Variants in LSAMP observed in about 807,000 individuals in gnomAD.
LSAMP encodes the protein limbic system-associated membrane protein.
A neutral mutation model predicts 38.6 loss-of-function variants in LSAMP; 7 were observed. The observed-to-expected ratio is 0.18, with a 90% CI of 0.10 to 0.34. LSAMP has a LOEUF of 0.34. Among genes scored for constraint, LSAMP ranks in the 10% least tolerant of loss-of-function variants. LSAMP has a pLI of 1.00. For synonymous variants in LSAMP, 154 were observed against 166.8 expected, an observed-to-expected ratio of 0.92 and a Z score of 0.59; for missense variants, 313 against 420.0, an observed-to-expected ratio of 0.75 and a Z score of 2.23.
At chr3:116,399,257 T>C (rs2048809088) in intron 1 of LSAMP, among the ~76,000 whole-genome samples, 2 of 152,202 alleles carry the variant, frequency 1.3e-5, no homozygotes, top group Admixed American at 1.3e-4. Context: ...AGCCGTGATA[T>C]GATTAGAGTA....
At chr3:116,145,147 T>A (rs901140741) in intron 1 of LSAMP, among the ~76,000 whole-genome samples, 1 of 151,976 alleles carries the variant, frequency 6.6e-6, no homozygotes, top group Non-Finnish European at 1.5e-5. Context: ...CAAATAGACT[T>A]TTTCTATTTG....
chr3:115,873,369 T>A (rs1936098705), intron 3 of LSAMP, among the ~76,000 whole-genome samples: 1 of 135,656 alleles, frequency 7.4e-6, no homozygotes. Flanking sequence ...GATGACAGAG[T>A]GAGGCTCTGA....
intron 6 of LSAMP, among the ~76,000 whole-genome samples, chr3:115,835,464 T>C (rs1934752158): frequency 6.6e-6 from 1 of 152,154 alleles, no homozygotes; most frequent in Admixed American, 6.6e-5. Context: ...TTTTCAGAAA[T>C]ATAGAATGGA....
At chr3:116,162,429 G>A (rs1400741591) in intron 1 of LSAMP, among the ~76,000 whole-genome samples, 1 of 152,110 alleles carries the variant, frequency 6.6e-6, no homozygotes, top group Non-Finnish European at 1.5e-5. Flanking sequence ...GATGATGTTA[G>A]GATATAGTGA....
At chr3:116,342,877 C>T (rs2048015487) in intron 1 of LSAMP, among the ~76,000 whole-genome samples, 1 of 152,032 alleles carries the variant, frequency 6.6e-6, no homozygotes, top group African/African-American at 2.4e-5. Flanking sequence ...TTCTATGACT[C>T]TATAATTCAG....
At chr3:116,001,947 TG>T (rs1320537989) in intron 3 of LSAMP, among the ~76,000 whole-genome samples, 1 of 152,168 alleles carries the variant, frequency 6.6e-6, no homozygotes, top group African/African-American at 2.4e-5. Context: ...TAGACATCTT[TG>T]GGGGGTCATT....
chr3:116,114,765 T>G (rs1267740134), intron 1 of LSAMP, among the ~76,000 whole-genome samples: 1 of 152,242 alleles, frequency 6.6e-6, no homozygotes, highest in African/African-American at 2.4e-5. Context: ...TTGTAGACTC[T>G]AATAGGTCTG....
intron 3 of LSAMP, among the ~76,000 whole-genome samples, chr3:115,919,704 C>T (rs375645699): frequency 1.1e-3 from 168 of 152,216 alleles, no homozygotes; most frequent in African/African-American, 3.9e-3. Flanking sequence ...CTCTGTCTCC[C>T]GGGTTCAAGT....
intron 1 of LSAMP, among the ~76,000 whole-genome samples, chr3:116,236,106 C>T (rs1308401974): frequency 6.6e-6 from 1 of 151,896 alleles, no homozygotes; most frequent in Non-Finnish European, 1.5e-5. Context: ...CACAATGGAG[C>T]CTGATTCATT....
intron 3 of LSAMP, among the ~76,000 whole-genome samples, chr3:115,940,071 G>T (rs1409613806): frequency 6.6e-6 from 1 of 152,032 alleles, no homozygotes; most frequent in Non-Finnish European, 1.5e-5. Context: ...TCTTAATGGT[G>T]GCGCATCTGG....
At chr3:115,824,290 A>G (rs964005659) in intron 6 of LSAMP, among the ~76,000 whole-genome samples, 1 of 152,246 alleles carries the variant, frequency 6.6e-6, no homozygotes, top group African/African-American at 2.4e-5. Flanking sequence ...AAGAAGAAAC[A>G]GGTTTCTCTG....
At chr3:115,836,240 C>T (rs1011281770) in intron 6 of LSAMP, among the ~76,000 whole-genome samples, 1 of 152,150 alleles carries the variant, frequency 6.6e-6, no homozygotes, top group Admixed American at 6.5e-5. Flanking sequence ...AGGCCTATCA[C>T]GCCCCATTAG....
chr3:116,206,614 C>T (rs949511819), intron 1 of LSAMP, among the ~76,000 whole-genome samples: 94 of 145,856 alleles, frequency 6.4e-4, no homozygotes, highest in African/African-American at 2.3e-3. Context: ...TCTTTGTTCT[C>T]GTTGGTTTCA....
At chr3:116,223,604 A>G (rs1356873480) in intron 1 of LSAMP, among the ~76,000 whole-genome samples, 1 of 152,200 alleles carries the variant, frequency 6.6e-6, no homozygotes, top group Non-Finnish European at 1.5e-5. Flanking sequence ...GTATTCACAT[A>G]GAGATTTGAA....
chr3:116,375,189 A>G (rs1052397566), intron 1 of LSAMP, among the ~76,000 whole-genome samples: 1 of 151,950 alleles, frequency 6.6e-6, no homozygotes, highest in African/African-American at 2.4e-5. Flanking sequence ...GCTGACTAAG[A>G]GAAGAAAAGG....
chr3:115,970,748 G>A (rs762522076), intron 3 of LSAMP, among the ~76,000 whole-genome samples: 1 of 152,082 alleles, frequency 6.6e-6, no homozygotes, highest in African/African-American at 2.4e-5. Context: ...GTGACACTTC[G>A]TACTTGCAAA....
intron 2 of LSAMP, among the ~76,000 whole-genome samples, chr3:116,060,038 G>C (rs1274165750): frequency 6.6e-6 from 1 of 152,090 alleles, no homozygotes; most frequent in Non-Finnish European, 1.5e-5. Flanking sequence ...TGCTTGCTAT[G>C]GGGGATTAGG....
chr3:116,247,825 T>C (rs958229270), intron 1 of LSAMP, among the ~76,000 whole-genome samples: 1 of 152,182 alleles, frequency 6.6e-6, no homozygotes, highest in Non-Finnish European at 1.5e-5. Context: ...ACCTGGCCAA[T>C]GTTAATCTTT....
chr3:116,307,646 A>G (rs1305086244), intron 1 of LSAMP, among the ~76,000 whole-genome samples: 1 of 151,946 alleles, frequency 6.6e-6, no homozygotes, highest in African/African-American at 2.4e-5. Flanking sequence ...ATTGGAGACA[A>G]CTTAATGTCC....
Sources: gnomAD v4.1 joint callset for allele counts (sites outside exome capture counted in the v4.1 genomes callset) on GRCh38, gnomAD v4.1.1 for gene constraint, MANE v1.5 for transcripts, NCBI Gene and HGNC (gene_info 2026-07-23, HGNC 2026-07-21) for gene names.